Variants in AMPH observed in about 807,000 individuals in gnomAD.
AMPH encodes the protein amphiphysin.
A neutral mutation model predicts 99.1 loss-of-function variants in AMPH; 49 were observed. The ratio of observed to expected loss-of-function variants is 0.49; its 90% CI spans 0.39 to 0.63. The LOEUF is 0.63. AMPH is among the 20% of genes least tolerant of loss of function. The pLI is 0.00. For missense variants in AMPH, 759 were observed against 863.4 expected, an observed-to-expected ratio of 0.88 and a Z score of 1.52; for synonymous variants, 314 against 317.3, an observed-to-expected ratio of 0.99 and a Z score of 0.11.
Position 38,469,881 on chromosome 7 carries a change from C to G in AMPH, c.591-3633G>C, listed in dbSNP as rs117384451. The stretch of plus-strand genomic sequence containing the variant: ...TCTTGGATCTTGCCATGACTCACAA[C>G]TATTTCACCTCTGAAATGGGGCAGA... On this transcript the variant is annotated intron_variant, in intron 7 of 20. Coordinates refer to ENST00000356264, the MANE Select transcript of AMPH (RefSeq NM_001635.4). Among the ~76,000 whole-genome samples, 482 of 152,342 alleles carry G rather than the reference C, an allele frequency of 3.2e-3. 14 individuals are homozygous for G. The East Asian group carries it at 0.084, about 26-fold the overall frequency.
At chr7:38,483,215 C>G (rs1788359365) in intron 5 of AMPH, among the ~76,000 whole-genome samples, 1 of 152,112 alleles carries the variant, frequency 6.6e-6, no homozygotes, top group Non-Finnish European at 1.5e-5. Flanking sequence ...CCAGCATACA[C>G]TAGTCCCTGG....
chr7:38,481,710 G>A (rs1174092189), intron 5 of AMPH, among the ~76,000 whole-genome samples: 2 of 152,038 alleles, frequency 1.3e-5, no homozygotes, highest in East Asian at 3.9e-4. Flanking sequence ...CCTCACTGAT[G>A]GGCTCAAGTA....
intron 1 of AMPH, among the ~76,000 whole-genome samples, chr7:38,566,148 A>G (rs1214694943): frequency 1.3e-5 from 2 of 151,986 alleles, no homozygotes; most frequent in Admixed American, 1.3e-4. Flanking sequence ...TTTTCTACCT[A>G]TTTAGAGGTA....
chr7:38,578,004 T>C (rs1792309921), intron 1 of AMPH, among the ~76,000 whole-genome samples: 1 of 152,180 alleles, frequency 6.6e-6, no homozygotes, highest in Non-Finnish European at 1.5e-5. Flanking sequence ...GGCTCTGCTA[T>C]AAGTGACAAC....
intron 1 of AMPH, among the ~76,000 whole-genome samples, chr7:38,612,869 C>T (rs971822811): frequency 7.9e-5 from 12 of 152,160 alleles, no homozygotes; most frequent in Non-Finnish European, 1.5e-5. Context: ...CACTTAGATC[C>T]TCTTTTATGC....
intron 19 of AMPH, among the ~76,000 whole-genome samples, 191 bp from the exon 20 acceptor site, chr7:38,390,096 T>C (rs1280679087): frequency 1.3e-5 from 2 of 152,236 alleles, no homozygotes; most frequent in Non-Finnish European, 2.9e-5. Context: ...TATTTATTAA[T>C]AGTAATGCAA....
intron 12 of AMPH, among the ~76,000 whole-genome samples, chr7:38,432,968 A>G (rs549613990): frequency 6.6e-6 from 1 of 152,320 alleles, no homozygotes; most frequent in Non-Finnish European, 1.5e-5. Context: ...TGAGGGGAGC[A>G]GGGAAGACTT....
chr7:38,597,932 C>A (rs887640041), intron 1 of AMPH, among the ~76,000 whole-genome samples: 10 of 152,196 alleles, frequency 6.6e-5, no homozygotes, highest in Admixed American at 5.9e-4. Context: ...CATGTGCCCA[C>A]CCTTATCCTC....
At position 38,491,157 on chromosome 7, in the gene AMPH, A is replaced by C; in HGVS notation, c.301-12T>G. On this transcript the variant is annotated splice_polypyrimidine_tract_variant and intron_variant, in intron 4 of 20. Coordinates refer to ENST00000356264, the MANE Select transcript of AMPH (RefSeq NM_001635.4). ...AGCACATCACATTTCTAAAAGAAAT[A>C]AAGAGACCACTGCTGAATTATTTTA... The C allele has an allele frequency of 6.3e-7, 1 of 1,575,902 alleles. No homozygotes were observed. The highest frequency in any genetic ancestry group is 8.7e-7 in the Non-Finnish European group (1 of 1,146,734).
At chr7:38,565,123 CA>C (rs35508498) in intron 1 of AMPH, among the ~76,000 whole-genome samples, 96,620 of 125,388 alleles carry the variant, frequency 0.77, 35,908 homozygotes, top group Middle Eastern at 0.81. Context: ...GACTCCGTCT[CA>C]AAAAAAAAAA....
chr7:38,556,178 G>T (rs1375232167), intron 1 of AMPH, among the ~76,000 whole-genome samples: 2 of 151,860 alleles, frequency 1.3e-5, no homozygotes, highest in African/African-American at 2.4e-5. Flanking sequence ...AATTTGAAAA[G>T]AAAAAGAAAG....
chr7:38,623,101 C>G (rs1794127275), intron 1 of AMPH, among the ~76,000 whole-genome samples: 1 of 152,152 alleles, frequency 6.6e-6, no homozygotes, highest in Non-Finnish European at 1.5e-5. Context: ...GAGACAGGGA[C>G]CCCTGGGAGG....
At chr7:38,583,967 G>A (rs1792556829) in intron 1 of AMPH, among the ~76,000 whole-genome samples, 1 of 152,236 alleles carries the variant, frequency 6.6e-6, no homozygotes, top group Non-Finnish European at 1.5e-5. Flanking sequence ...GTTAGAGAGA[G>A]ACAGGATGGT....
intron 1 of AMPH, among the ~76,000 whole-genome samples, chr7:38,605,470 T>C (rs570048913): frequency 2.0e-5 from 3 of 152,366 alleles, no homozygotes; most frequent in East Asian, 3.9e-4. Context: ...TTTGGTTCTC[T>C]GTGAAAATGT....
chr7:38,405,237 G>T (rs1784950858), intron 17 of AMPH, among the ~76,000 whole-genome samples: 1 of 152,144 alleles, frequency 6.6e-6, no homozygotes, highest in Non-Finnish European at 1.5e-5. Flanking sequence ...GGGGAAGGAT[G>T]ATACCACCAT....
At chr7:38,598,466 C>T (rs1411610873) in intron 1 of AMPH, among the ~76,000 whole-genome samples, 1 of 152,078 alleles carries the variant, frequency 6.6e-6, no homozygotes, top group Admixed American at 6.6e-5. Flanking sequence ...CCATGCCTGG[C>T]TAATTTTTTG....
At chr7:38,391,560 T>G (rs1784493633) in intron 19 of AMPH, among the ~76,000 whole-genome samples, 188 bp downstream of exon 19, 1 of 152,248 alleles carries the variant, frequency 6.6e-6, no homozygotes, top group African/African-American at 2.4e-5. Context: ...CCTTTAATTA[T>G]TCTTTGTTAA....
intron 10 of AMPH, 147 bp downstream of exon 10, chr7:38,462,828 T>C (rs1259856607): frequency 1.2e-6 from 1 of 865,272 alleles, no homozygotes; most frequent in Non-Finnish European, 1.6e-6. Context: ...GATACCTTCA[T>C]GACAATCACA....
chr7:38,573,162 A>T (rs1055359422), intron 1 of AMPH, among the ~76,000 whole-genome samples: 3 of 152,212 alleles, frequency 2.0e-5, no homozygotes, highest in Admixed American at 6.5e-5. Flanking sequence ...GTAATTACAA[A>T]GACTGGGGCT....
Sources: gnomAD v4.1 joint callset for allele counts (sites outside exome capture counted in the v4.1 genomes callset) on GRCh38, gnomAD v4.1.1 for gene constraint, MANE v1.5 for transcripts, NCBI Gene and HGNC (gene_info 2026-07-23, HGNC 2026-07-21) for gene names.